CTNNA3: variants seen among roughly 807,000 people sequenced by gnomAD.
CTNNA3 encodes catenin alpha 3.
In CTNNA3, 76 loss-of-function variants were observed where a neutral mutation model predicts 95.7. The ratio of observed to expected loss-of-function variants is 0.79; its 90% CI spans 0.66 to 0.96. CTNNA3 has a LOEUF of 0.96. Among genes scored for constraint, CTNNA3 ranks in the 40% least tolerant of loss-of-function variants. The pLI, the probability that CTNNA3 is intolerant of heterozygous loss-of-function variation, is 0.00. For missense variants in CTNNA3, 1,191 were observed against 1,089.8 expected (o/e 1.09, Z -1.31); for synonymous variants, 431 against 374.4 (o/e 1.15, Z -1.74).
intron 1 of CTNNA3, among the ~76,000 whole-genome samples, chr10:67,701,419 T>C (rs3132087): frequency 0.45 from 68,167 of 152,034 alleles, 19,045 homozygotes; most frequent in African/African-American, 0.8. Flanking sequence ...AGACTAACAG[T>C]GGATGTCTTG....
chr10:67,005,427 A>G (rs961161404), intron 7 of CTNNA3, among the ~76,000 whole-genome samples: 5 of 152,022 alleles, frequency 3.3e-5, no homozygotes, highest in African/African-American at 7.2e-5. Flanking sequence ...GTATTTCCTA[A>G]TTCAAAATTA....
chr10:67,290,547 T>C (rs1455724910), intron 5 of CTNNA3, among the ~76,000 whole-genome samples: 1 of 152,164 alleles, frequency 6.6e-6, no homozygotes, highest in East Asian at 1.9e-4. Context: ...TTTATGTGTA[T>C]TATCACTTTG....
At chr10:66,334,798 A>G (rs543603081) in intron 12 of CTNNA3, among the ~76,000 whole-genome samples, 1 of 152,028 alleles carries the variant, frequency 6.6e-6, no homozygotes, top group African/African-American at 2.4e-5. Context: ...AGATTGGGGA[A>G]GTTCTCCTGG....
intron 5 of CTNNA3, among the ~76,000 whole-genome samples, chr10:67,482,036 T>C (rs1178810134): frequency 6.6e-6 from 1 of 152,066 alleles, no homozygotes; most frequent in Admixed American, 6.5e-5. Flanking sequence ...TTTTCTCAGG[T>C]TTGTCAAAGA....
intron 12 of CTNNA3, among the ~76,000 whole-genome samples, chr10:66,309,911 AAAT>A (rs2091990422): frequency 8.5e-5 from 2 of 23,534 alleles, no homozygotes; most frequent in African/African-American, 1.4e-4. Context: ...TACAAAAAAT[AAAT>A]AAATAAATAA....
At chr10:67,082,476 C>T (rs1857101857) in intron 7 of CTNNA3, among the ~76,000 whole-genome samples, 1 of 152,066 alleles carries the variant, frequency 6.6e-6, no homozygotes, top group Admixed American at 6.6e-5. Context: ...GCAGATTTTG[C>T]AAAGGGCTAT....
intron 1 of CTNNA3, among the ~76,000 whole-genome samples, chr10:67,658,789 C>CA (rs1312727496): frequency 2.0e-5 from 3 of 152,126 alleles, no homozygotes; most frequent in African/African-American, 7.2e-5. Flanking sequence ...CCTTAGCATC[C>CA]AAAATCTCTG....
At chr10:66,940,298 C>T (rs2132676593) in intron 7 of CTNNA3, among the ~76,000 whole-genome samples, 1 of 152,030 alleles carries the variant, frequency 6.6e-6, no homozygotes, top group African/African-American at 2.4e-5. Flanking sequence ...CTCTCAAGAC[C>T]AGTCTGGAAA....
chr10:67,214,116 T>C (rs1395047120), intron 6 of CTNNA3, among the ~76,000 whole-genome samples: 2 of 151,854 alleles, frequency 1.3e-5, no homozygotes, highest in Admixed American at 6.6e-5. Flanking sequence ...GTTTCCTTTT[T>C]ACATTTATTA....
intron 9 of CTNNA3, among the ~76,000 whole-genome samples, chr10:66,692,872 A>C (rs1309154020): frequency 6.6e-6 from 1 of 152,120 alleles, no homozygotes; most frequent in Non-Finnish European, 1.5e-5. Context: ...AAGCTTCATA[A>C]GTGAAGGAGA....
intron 3 of CTNNA3, among the ~76,000 whole-genome samples, chr10:67,571,617 C>T (rs115174470): frequency 0.011 from 1,671 of 152,158 alleles, 37 homozygotes; most frequent in African/African-American, 0.038. Flanking sequence ...ATAGTTTATA[C>T]AGGCTGGGTG....
chr10:66,471,558 C>T (rs9943339), intron 11 of CTNNA3, among the ~76,000 whole-genome samples: 9,722 of 151,638 alleles, frequency 0.064, 652 homozygotes, highest in African/African-American at 0.17. Context: ...ACAATTTTCA[C>T]GCCAGTGAAT....
At chr10:66,226,207 C>G (rs983721956) in intron 13 of CTNNA3, among the ~76,000 whole-genome samples, 3 of 151,968 alleles carry the variant, frequency 2.0e-5, no homozygotes, top group Admixed American at 1.3e-4. Context: ...AAGTTTTCAC[C>G]CATTTTGAGT....
At chr10:67,230,717 G>C (rs1042579724) in intron 5 of CTNNA3, among the ~76,000 whole-genome samples, 2 of 152,226 alleles carry the variant, frequency 1.3e-5, no homozygotes, top group East Asian at 3.9e-4. Context: ...CTCCCAGCTT[G>C]AGCGACGCAG....
intron 5 of CTNNA3, among the ~76,000 whole-genome samples, chr10:67,327,700 C>T (rs185189045): frequency 2.0e-5 from 3 of 152,164 alleles, no homozygotes; most frequent in Admixed American, 1.3e-4. Flanking sequence ...ACAGTGGGAC[C>T]CATTCTTGCT....
intron 15 of CTNNA3, among the ~76,000 whole-genome samples, chr10:66,017,233 A>G (rs553046825): frequency 4.6e-5 from 7 of 152,218 alleles, no homozygotes; most frequent in Middle Eastern, 3.4e-3. Context: ...TTTTGGAATC[A>G]TTGTTCTCAT....
At chr10:66,400,013 T>G (rs1218384027) in intron 11 of CTNNA3, among the ~76,000 whole-genome samples, 1 of 151,896 alleles carries the variant, frequency 6.6e-6, no homozygotes, top group Non-Finnish European at 1.5e-5. Context: ...AAAATTAAGA[T>G]CCTAAAGGCA....
At chr10:67,586,115 ATGT>A (rs1260100289) in intron 3 of CTNNA3, among the ~76,000 whole-genome samples, 3 of 152,088 alleles carry the variant, frequency 2.0e-5, no homozygotes, top group Non-Finnish European at 4.4e-5. Flanking sequence ...TTTAATTTCC[ATGT>A]GTCTGTATAC....
intron 10 of CTNNA3, among the ~76,000 whole-genome samples, chr10:66,590,647 T>C (rs1843517917): frequency 6.6e-6 from 1 of 152,128 alleles, no homozygotes; most frequent in African/African-American, 2.4e-5. Flanking sequence ...AAAATTGCTA[T>C]GGCATTTATA....
Sources: gnomAD v4.1 joint callset for allele counts (sites outside exome capture counted in the v4.1 genomes callset) on GRCh38, gnomAD v4.1.1 for gene constraint, MANE v1.5 for transcripts, NCBI Gene and HGNC (gene_info 2026-07-23, HGNC 2026-07-21) for gene names.